Variants in NKAIN2 observed in about 807,000 individuals in gnomAD.
NKAIN2 encodes sodium/potassium-transporting ATPase subunit beta-1-interacting protein 2.
In NKAIN2, 14 loss-of-function variants were observed where a neutral mutation model predicts 32.6. The observed-to-expected ratio is 0.43, with a 90% CI of 0.28 to 0.67. The LOEUF is 0.67. Ranked by LOEUF, NKAIN2 falls within the 30% of genes least tolerant of loss-of-function variation. NKAIN2 has a pLI of 0.17. For synonymous variants in NKAIN2, 80 were observed against 87.2 expected (o/e 0.92, Z 0.46); for missense variants, 198 against 258.3 (o/e 0.77, Z 1.60).
intron 3 of NKAIN2, among the ~76,000 whole-genome samples, chr6:124,651,601 C>A (rs1213089584): frequency 6.6e-6 from 1 of 152,122 alleles, no homozygotes; most frequent in East Asian, 1.9e-4. Flanking sequence ...CCGAGCTGTA[C>A]TTGAGGCTGC....
Position 124,581,162 on chromosome 6 carries a change from G to A in NKAIN2, c.274-77024G>A, listed in dbSNP as rs201492338. 2.8e-4 allele frequency among the ~76,000 whole-genome samples: 42 copies of A among 152,152 alleles called. No homozygotes were observed. The East Asian group carries it at 8.1e-3, about 29-fold the overall frequency. On this transcript the variant is annotated intron_variant, in intron 3 of 6. Transcript: ENST00000368417. ...AAAATCAATAAAGAAACATTGGGCC[G>A]GGCGCGGTGGCTCACGCCTGTAATC...
intron 1 of NKAIN2, among the ~76,000 whole-genome samples, chr6:124,263,263 T>C (rs930308593): frequency 1.3e-5 from 2 of 152,178 alleles, no homozygotes. Flanking sequence ...TATCTATCAA[T>C]GGATCTTGAA....
At chr6:124,402,740 G>A (rs887917547) in intron 3 of NKAIN2, among the ~76,000 whole-genome samples, 4 of 152,142 alleles carry the variant, frequency 2.6e-5, no homozygotes, top group Non-Finnish European at 4.4e-5. Context: ...TTATAAGTGG[G>A]AGCTAAATAT....
intron 3 of NKAIN2, among the ~76,000 whole-genome samples, chr6:124,490,584 A>G (rs1777825143): frequency 6.6e-6 from 1 of 151,714 alleles, no homozygotes; most frequent in African/African-American, 2.4e-5. Context: ...TAAAATAGCA[A>G]ATAGCAATAC....
chr6:124,182,420 AC>A (rs1193339796), intron 1 of NKAIN2, among the ~76,000 whole-genome samples: 1 of 152,234 alleles, frequency 6.6e-6, no homozygotes. Flanking sequence ...CATAATTGTT[AC>A]TATATTGTAC....
chr6:124,331,829 T>TA (rs1797674685), intron 2 of NKAIN2, among the ~76,000 whole-genome samples: 1 of 152,294 alleles, frequency 6.6e-6, no homozygotes, highest in African/African-American at 2.4e-5. Context: ...ATGAATTTGA[T>TA]AAAGATACAA....
intron 4 of NKAIN2, among the ~76,000 whole-genome samples, chr6:124,699,253 C>G (rs1774648769): frequency 6.6e-6 from 1 of 152,104 alleles, no homozygotes; most frequent in Admixed American, 6.6e-5. Context: ...TGATGCTAGC[C>G]ATTGTTGAAG....
At chr6:124,236,240 A>C (rs1304760955) in intron 1 of NKAIN2, among the ~76,000 whole-genome samples, 1 of 152,180 alleles carries the variant, frequency 6.6e-6, no homozygotes, top group African/African-American at 2.4e-5. Flanking sequence ...TTTTTTAAGA[A>C]GCTTATAATG....
Position 124,651,134 on chromosome 6 carries a change from ATC to A in NKAIN2, c.274-7048_274-7047del, listed in dbSNP as rs139305758. Among the ~76,000 whole-genome samples, 233 of 150,766 alleles carry A rather than the reference ATC, an allele frequency of 1.5e-3. 2 individuals are homozygous for A. Among genetic ancestry groups the A allele is most frequent in the African/African-American group, 5.6e-3 (224 of 40,074 alleles). ...CATTAAATCTTAAAGCTGGAGAATA[ATC>A]TCTGTTTTGACCCTATGTCCCATCT... On this transcript the variant is annotated intron_variant, in intron 3 of 6. Transcript: ENST00000368417.
At chr6:124,331,528 CAAAA>C (rs764118499) in intron 2 of NKAIN2, among the ~76,000 whole-genome samples, 2 of 66,940 alleles carry the variant, frequency 3.0e-5, no homozygotes, top group Non-Finnish European at 3.1e-5. Context: ...GACTCCGTCT[CAAAA>C]AAAAAAAAAA....
At chr6:124,306,522 A>C (rs149099648) in intron 2 of NKAIN2, among the ~76,000 whole-genome samples, 13 of 152,312 alleles carry the variant, frequency 8.5e-5, no homozygotes, top group African/African-American at 2.6e-4. Flanking sequence ...CTGATGATTA[A>C]AGAAAAACAA....
intron 2 of NKAIN2, among the ~76,000 whole-genome samples, chr6:124,317,325 A>T (rs1242561864): frequency 6.6e-6 from 1 of 152,138 alleles, no homozygotes; most frequent in African/African-American, 2.4e-5. Flanking sequence ...GTTCCACCAT[A>T]TTGCAAGTCA....
chr6:124,008,499 C>T (rs1226413816), intron 1 of NKAIN2, among the ~76,000 whole-genome samples: 2 of 28,070 alleles, frequency 7.1e-5, no homozygotes, highest in African/African-American at 6.1e-4. Context: ...CCAGAGCACC[C>T]TTGGTAAAAG....
chr6:124,291,777 C>T (rs1054481399), intron 2 of NKAIN2, among the ~76,000 whole-genome samples: 2 of 152,032 alleles, frequency 1.3e-5, no homozygotes, highest in Non-Finnish European at 1.5e-5. Context: ...TCTCCACCTC[C>T]CCTGAAAGCC....
At chr6:124,591,585 AC>A (rs1781914973) in intron 3 of NKAIN2, among the ~76,000 whole-genome samples, 1 of 152,006 alleles carries the variant, frequency 6.6e-6, no homozygotes, top group Admixed American at 6.5e-5. Context: ...ATTTTTTTGT[AC>A]CTCTCTTCTG....
intron 3 of NKAIN2, among the ~76,000 whole-genome samples, chr6:124,386,286 T>C (rs547709980): frequency 1.3e-5 from 2 of 152,260 alleles, no homozygotes; most frequent in East Asian, 3.9e-4. Flanking sequence ...AAAACACTCT[T>C]ATAATAAGCA....
intron 3 of NKAIN2, among the ~76,000 whole-genome samples, chr6:124,538,519 T>C (rs1264336189): frequency 1.3e-5 from 2 of 152,128 alleles, no homozygotes; most frequent in Non-Finnish European, 2.9e-5. Flanking sequence ...CTAAAAGTCA[T>C]TCTGATATGT....
intron 4 of NKAIN2, among the ~76,000 whole-genome samples, chr6:124,750,864 T>C (rs1279109720): frequency 6.6e-6 from 1 of 151,962 alleles, no homozygotes; most frequent in Non-Finnish European, 1.5e-5. Flanking sequence ...TTGGATAAGG[T>C]CCCAATCTTA....
intron 1 of NKAIN2, among the ~76,000 whole-genome samples, chr6:123,968,538 G>A (rs1001481515): frequency 1.3e-5 from 2 of 152,066 alleles, no homozygotes; most frequent in African/African-American, 4.8e-5. Flanking sequence ...GGGCCATGTA[G>A]TGATTTTCCA....
Sources: allele counts gnomAD v4.1 joint callset (sites outside exome capture counted in the v4.1 genomes callset), GRCh38; gene constraint gnomAD v4.1.1; transcripts MANE v1.5; gene names NCBI Gene and HGNC (gene_info 2026-07-23, HGNC 2026-07-21).